GALNT13: variants seen among roughly 807,000 people sequenced by gnomAD.
GALNT13 encodes polypeptide N-acetylgalactosaminyltransferase 13.
GALNT13 carries 28 observed loss-of-function variants against 64.2 expected under a neutral mutation model. The observed-to-expected ratio is 0.44, with a 90% CI of 0.32 to 0.60. The LOEUF (loss-of-function observed/expected upper bound fraction) is 0.60, where lower values mean the gene tolerates loss of function less well. Ranked by LOEUF, GALNT13 falls within the 20% of genes least tolerant of loss-of-function variation. The pLI, the probability that GALNT13 is intolerant of heterozygous loss-of-function variation, is 0.05. For missense variants in GALNT13, 577 were observed against 669.8 expected, an observed-to-expected ratio of 0.86 and a Z score of 1.53; for synonymous variants, 214 against 224.6, an observed-to-expected ratio of 0.95 and a Z score of 0.42.
chr2:153,241,718 T>G, the GALNT13 span, among the ~76,000 whole-genome samples: 2 of 151,938 alleles, frequency 1.3e-5, no homozygotes, highest in African/African-American at 2.4e-5. Flanking sequence ...TGCAAGTATC[T>G]GATTAATTGA....
At chr2:154,337,509 A>T (rs963934580) in intron 9 of GALNT13, among the ~76,000 whole-genome samples, 8 of 152,160 alleles carry the variant, frequency 5.3e-5, no homozygotes, top group African/African-American at 1.9e-4. Context: ...ATGTTTTAAA[A>T]TTTAAAATAA....
At chr2:153,476,198 A>T in the GALNT13 span, among the ~76,000 whole-genome samples, 1 of 152,240 alleles carries the variant, frequency 6.6e-6, no homozygotes, top group Non-Finnish European at 1.5e-5. Flanking sequence ...CTTGAGAGCG[A>T]AATGGACACT....
chr2:153,189,567 G>A, the GALNT13 span, among the ~76,000 whole-genome samples: 6 of 152,140 alleles, frequency 3.9e-5, no homozygotes, highest in Non-Finnish European at 8.8e-5. Context: ...ACATAAGAGT[G>A]CATGTATCCT....
At chr2:153,621,964 A>C in the GALNT13 span, among the ~76,000 whole-genome samples, 1,742 of 152,140 alleles carry the variant, frequency 0.011, 19 homozygotes, top group Non-Finnish European at 0.019. Context: ...ATTAGAGGTT[A>C]GTTTAGTAAA....
intron 3 of GALNT13, among the ~76,000 whole-genome samples, chr2:154,013,006 C>T (rs1292197512): frequency 1.3e-5 from 2 of 150,916 alleles, no homozygotes; most frequent in African/African-American, 2.4e-5. Context: ...TGACTTTCTC[C>T]AGGATTTTGA....
At chr2:153,912,670 A>G (rs1036191182) in intron 2 of GALNT13, among the ~76,000 whole-genome samples, 5 of 152,122 alleles carry the variant, frequency 3.3e-5, no homozygotes, top group African/African-American at 1.2e-4. Flanking sequence ...GCAAGATTTT[A>G]GGGAGTCAAG....
At chr2:153,647,927 T>C in the GALNT13 span, among the ~76,000 whole-genome samples, 1 of 152,206 alleles carries the variant, frequency 6.6e-6, no homozygotes, top group African/African-American at 2.4e-5. Flanking sequence ...TCTTTTGGCT[T>C]AGGATTGAAT....
intron 11 of GALNT13, among the ~76,000 whole-genome samples, chr2:154,425,123 C>T (rs1700416208): frequency 6.6e-6 from 1 of 152,032 alleles, no homozygotes; most frequent in Non-Finnish European, 1.5e-5. Flanking sequence ...TTTGGCTTTT[C>T]AGAATCTTTA....
At chr2:154,445,381 A>C (rs565271645) in intron 12 of GALNT13, among the ~76,000 whole-genome samples, 1 of 152,122 alleles carries the variant, frequency 6.6e-6, no homozygotes, top group African/African-American at 2.4e-5. Context: ...AAACATAATT[A>C]ACATCATTTA....
At chr2:153,223,539 A>G in the GALNT13 span, among the ~76,000 whole-genome samples, 2 of 152,216 alleles carry the variant, frequency 1.3e-5, no homozygotes, top group African/African-American at 2.4e-5. Flanking sequence ...AAAAACTGGA[A>G]AATCTTGAAA....
At chr2:153,719,812 GC>G in the GALNT13 span, among the ~76,000 whole-genome samples, 1 of 151,600 alleles carries the variant, frequency 6.6e-6, no homozygotes, top group East Asian at 2.0e-4. Flanking sequence ...AGGGTCCTAC[GC>G]CCACGGAATC....
At chr2:153,078,689 AT>A in the GALNT13 span, among the ~76,000 whole-genome samples, 3 of 151,788 alleles carry the variant, frequency 2.0e-5, no homozygotes, top group Non-Finnish European at 4.4e-5. Flanking sequence ...GAAGGGAGGA[AT>A]TTTTTTTACT....
At chr2:153,085,265 C>A in the GALNT13 span, among the ~76,000 whole-genome samples, 1 of 152,110 alleles carries the variant, frequency 6.6e-6, no homozygotes, top group African/African-American at 2.4e-5. Flanking sequence ...AAAAGAAATA[C>A]CCATTTTCTG....
chr2:153,550,242 T>G, the GALNT13 span, among the ~76,000 whole-genome samples: 1 of 150,184 alleles, frequency 6.7e-6, no homozygotes, highest in Admixed American at 6.6e-5. Context: ...ATGGTCACTT[T>G]TTTTTTTTTT....
chr2:153,396,244 GGAATATGTAGT>G, the GALNT13 span, among the ~76,000 whole-genome samples: 1 of 152,020 alleles, frequency 6.6e-6, no homozygotes, highest in African/African-American at 2.4e-5. Context: ...CTAGGCACAG[GGAATATGTAGT>G]GAATAAAAGA....
intron 9 of GALNT13, among the ~76,000 whole-genome samples, chr2:154,302,873 A>G (rs1442316732): frequency 6.6e-6 from 1 of 152,104 alleles, no homozygotes; most frequent in Non-Finnish European, 1.5e-5. Context: ...TCCTATTCAA[A>G]CCTTTAAAAG....
chr2:154,389,945 A>G (rs914614920), intron 9 of GALNT13, among the ~76,000 whole-genome samples: 2 of 152,132 alleles, frequency 1.3e-5, no homozygotes. Context: ...GTCCAGATGC[A>G]GTGATCTGGT....
the GALNT13 span, among the ~76,000 whole-genome samples, chr2:153,597,345 T>C: frequency 5.3e-5 from 8 of 152,146 alleles, no homozygotes; most frequent in Non-Finnish European, 8.8e-5. Context: ...TTTAAAAGTA[T>C]AAATCATCTG....
At chr2:154,150,923 A>G (rs1683970924) in intron 4 of GALNT13, among the ~76,000 whole-genome samples, 1 of 151,726 alleles carries the variant, frequency 6.6e-6, no homozygotes, top group South Asian at 2.1e-4. Flanking sequence ...TTGTGTCTCT[A>G]TTTCCTTCAG....
Sources: gnomAD v4.1 joint callset for allele counts (sites outside exome capture counted in the v4.1 genomes callset) on GRCh38, gnomAD v4.1.1 for gene constraint, MANE v1.5 for transcripts, NCBI Gene and HGNC (gene_info 2026-07-23, HGNC 2026-07-21) for gene names.